The following SEC23IP variants were observed in gnomAD, a reference collection of about 807,000 sequenced individuals.
SEC23IP encodes SEC23-interacting protein.
Under a neutral mutation model 113.4 loss-of-function variants are expected in SEC23IP, and 70 were observed. The ratio of observed to expected loss-of-function variants is 0.62; its 90% confidence interval spans 0.51 to 0.75. The LOEUF is 0.75. Ranked by LOEUF, SEC23IP falls within the 30% of genes least tolerant of loss-of-function variation. The probability of loss-of-function intolerance (pLI) is 0.00; values close to 1 mark genes in which losing one functional copy is unlikely to be tolerated. For missense variants in SEC23IP, 1,160 were observed against 1,204.9 expected, an observed-to-expected ratio of 0.96 and a Z score of 0.55; for synonymous variants, 398 against 421.0, an observed-to-expected ratio of 0.95 and a Z score of 0.67.
At chr10:119,925,526 C>A (rs1175906312) in intron 12 of SEC23IP, among the ~76,000 whole-genome samples, 1 of 152,086 alleles carries the variant, frequency 6.6e-6, no homozygotes, top group Non-Finnish European at 1.5e-5. Context: ...CTAAAAAGGA[C>A]ATGTAAACAT....
intron 5 of SEC23IP, among the ~76,000 whole-genome samples, chr10:119,909,511 G>A (rs1423170993): frequency 6.6e-6 from 1 of 152,132 alleles, no homozygotes; most frequent in East Asian, 1.9e-4. Context: ...ACTTGAGCCC[G>A]AGAGGTTGAG....
chr10:119,934,686 A>AT (rs1347204852), intron 18 of SEC23IP, among the ~76,000 whole-genome samples: 1 of 152,224 alleles, frequency 6.6e-6, no homozygotes, highest in African/African-American at 2.4e-5. Context: ...AGTTCCTGCC[A>AT]TTTTTGGTTT....
At chr10:119,893,124 TGA>T (rs1754421237) in intron 1 of SEC23IP, among the ~76,000 whole-genome samples, 179 bp downstream of exon 1, 1 of 152,180 alleles carries the variant, frequency 6.6e-6, no homozygotes, top group Non-Finnish European at 1.5e-5. Context: ...TGGCAGGTGA[TGA>T]GACTTGCTCT....
At chr10:119,895,580 C>T (rs1228127502) in intron 1 of SEC23IP, among the ~76,000 whole-genome samples, 1 of 152,134 alleles carries the variant, frequency 6.6e-6, no homozygotes, top group African/African-American at 2.4e-5. Context: ...ATGAATGCTA[C>T]GGGTATCAGG....
rs959717755 is a variant in SEC23IP at position 119,940,586 on chromosome 10, ACTTT to A, written c.*25_*28del. ...GTTTTTTTTTTTTTTCCTTTTTAAGACTTTCTTGTCTGCACAGAAAGTCCCAGTA... is the reference window on the plus strand; with the variant it reads ...GTTTTTTTTTTTTTTCCTTTTTAAGACTTGTCTGCACAGAAAGTCCCAGTA... On this transcript the variant is annotated splice_region_variant and 3_prime_UTR_variant, in exon 19 of 19. Coordinates refer to ENST00000369075, the MANE Select transcript of SEC23IP (RefSeq NM_007190.4). The A allele has an allele frequency of 1.3e-5, 2 of 150,732 alleles. No individual in the cohort carries two copies. Among genetic ancestry groups the A allele is most frequent in the African/African-American group, 4.9e-5 (2 of 40,932 alleles). 9.3% of individuals were successfully genotyped at this position (150,732 alleles called of 1,614,324 possible).
At position 119,944,649 on chromosome 10, in the gene SEC23IP, T is replaced by G. The variant is rs548620101; in HGVS notation, c.*4084T>G. The G allele has an allele frequency of 2.2e-4, 34 of 152,342 alleles. No homozygotes were observed. Among genetic ancestry groups the G allele is most frequent in the Non-Finnish European group, 4.3e-4 (29 of 68,036 alleles). 9.4% of individuals were successfully genotyped at this position (152,342 alleles called of 1,614,324 possible). A position where few individuals can be genotyped will look rare whatever the true frequency, so the allele number is the denominator to read the frequency against. ...GAGTGTGATTTTCATTAAACAATTT[T>G]TAAAGAAAGCATTTCTAGTGGTGCT... is the stretch of plus-strand genomic sequence containing the variant. On this transcript the variant is annotated 3_prime_UTR_variant, in exon 19 of 19. Transcript: ENST00000369075.
At chr10:119,923,511 G>A (rs183182284) in intron 12 of SEC23IP, among the ~76,000 whole-genome samples, 38 of 150,514 alleles carry the variant, frequency 2.5e-4, no homozygotes, top group Middle Eastern at 3.5e-3. Flanking sequence ...ATTGTTTCTA[G>A]TGTTGGGGAT....
intron 12 of SEC23IP, among the ~76,000 whole-genome samples, chr10:119,925,149 A>G (rs915418904): frequency 6.6e-6 from 1 of 152,222 alleles, no homozygotes; most frequent in African/African-American, 2.4e-5. Flanking sequence ...GCCTAAAACA[A>G]GAAATTGAAC....
intron 4 of SEC23IP, among the ~76,000 whole-genome samples, chr10:119,906,285 A>G (rs199608907): frequency 3.0e-4 from 4 of 13,252 alleles, no homozygotes; most frequent in African/African-American, 5.2e-4. Context: ...TTGTCTCAGA[A>G]AAAAAAAAAA....
At chr10:119,937,937 C>G (rs1010648779) in intron 18 of SEC23IP, among the ~76,000 whole-genome samples, 2 of 151,922 alleles carry the variant, frequency 1.3e-5, no homozygotes, top group African/African-American at 2.4e-5. Flanking sequence ...ATTTATTTGT[C>G]TATGATACTT....
rs992262654 is a variant in SEC23IP at position 119,933,240 on chromosome 10, T to C, written c.2921+73T>C. 12 of 1,219,960 alleles carry C rather than the reference T, an allele frequency of 9.8e-6. No homozygotes were observed. The African/African-American group carries it at 1.5e-4, about 15-fold the overall frequency. 75.6% of individuals were successfully genotyped at this position (1,219,960 alleles called of 1,614,324 possible). ...GCACGTGCAGCAATTTTAGTTTTAG[T>C]GAGATTCTTTTACTGATACAATGTA... is the stretch of plus-strand genomic sequence containing the variant. On this transcript the variant is annotated intron_variant, in intron 17 of 18. Transcript: ENST00000369075.
At chr10:119,934,284 G>A (rs1855704733) in intron 18 of SEC23IP, among the ~76,000 whole-genome samples, 1 of 152,200 alleles carries the variant, frequency 6.6e-6, no homozygotes, top group Admixed American at 6.5e-5. Context: ...AGAGGGGAGA[G>A]GGTAGTACTC....
chr10:119,928,218 T>C (rs994665858), intron 13 of SEC23IP, among the ~76,000 whole-genome samples: 6 of 152,224 alleles, frequency 3.9e-5, no homozygotes, highest in Admixed American at 2.0e-4. Flanking sequence ...CATTTTTCTT[T>C]TGTGAAGTGT....
chr10:119,911,598 C>G (rs952225060), intron 5 of SEC23IP, among the ~76,000 whole-genome samples: 3 of 152,104 alleles, frequency 2.0e-5, no homozygotes, highest in African/African-American at 7.2e-5. Flanking sequence ...GCCTCGGCCT[C>G]CTGAGAAGCT....
intron 2 of SEC23IP, among the ~76,000 whole-genome samples, chr10:119,900,185 T>A (rs1033667580): frequency 6.6e-6 from 1 of 152,190 alleles, no homozygotes; most frequent in African/African-American, 2.4e-5. Context: ...ATGTGCACAG[T>A]GCAGCTATGA....
At chr10:119,895,299 G>A (rs1162909488) in intron 1 of SEC23IP, among the ~76,000 whole-genome samples, 5 of 152,140 alleles carry the variant, frequency 3.3e-5, no homozygotes, top group South Asian at 2.1e-4. Flanking sequence ...CATGAGAATC[G>A]CTTGAGGAGG....
In SEC23IP at chr10:119,926,208, T is replaced by C. The variant is rs1855415581; in HGVS notation, c.2294T>C (p.Phe765Ser). The C allele has an allele frequency of 6.2e-7, 1 of 1,614,006 alleles. No individual in the cohort carries two copies. Among genetic ancestry groups the C allele is most frequent in the Admixed American group, 1.7e-5 (1 of 59,996 alleles). The change falls in exon 13 of 19, where the codon TTT becomes TCT. Residue 765 changes from phenylalanine (F) to serine (S), a missense_variant. Phe to Ser is a radical substitution (Grantham distance 155). Coordinates refer to ENST00000369075, the MANE Select transcript of SEC23IP (RefSeq NM_007190.4). ...VSSVCVNYES[F>S]EVGAGQVSVA... is the part of the protein sequence containing the mutation. The stretch of plus-strand genomic sequence containing the variant: ...TCTGTGTGTGTGAATTATGAATCTT[T>C]TGAAGTTGGCGCCGGACAGGTGAGT...
At chr10:119,924,918 CA>C (rs1330515644) in intron 12 of SEC23IP, among the ~76,000 whole-genome samples, 5 of 152,112 alleles carry the variant, frequency 3.3e-5, no homozygotes, top group African/African-American at 1.2e-4. Context: ...GCTGGGACTT[CA>C]GGCATGCACC....
intron 8 of SEC23IP, among the ~76,000 whole-genome samples, chr10:119,917,190 C>T (rs1249744493): frequency 6.6e-6 from 1 of 151,742 alleles, no homozygotes; most frequent in African/African-American, 2.4e-5. Context: ...TTTGGTTTAC[C>T]TTTATTTATA....
Sources: gnomAD v4.1 joint callset for allele counts (sites outside exome capture counted in the v4.1 genomes callset) on GRCh38, gnomAD v4.1.1 for gene constraint, MANE v1.5 for transcripts, NCBI Gene and HGNC (gene_info 2026-07-23, HGNC 2026-07-21) for gene names.